Variants in CACNA2D4 observed in about 807,000 individuals in gnomAD.
CACNA2D4 encodes the protein calcium voltage-gated channel auxiliary subunit alpha2delta 4, also known as voltage-dependent calcium channel subunit alpha-2/delta-4.
CACNA2D4 carries 157 observed loss-of-function variants against 163.8 expected under a neutral mutation model. The observed-to-expected ratio is 0.96, with a 90% CI of 0.84 to 1.09. The LOEUF is 1.09. CACNA2D4 is among the 50% of genes least tolerant of loss of function. CACNA2D4 has a pLI of 0.00. For synonymous variants in CACNA2D4, 598 were observed against 586.9 expected (o/e 1.02, Z -0.27); for missense variants, 1,410 against 1,479.9 (o/e 0.95, Z 0.78).
intron 26 of CACNA2D4, among the ~76,000 whole-genome samples, chr12:1,818,744 G>C (rs1448798268): frequency 7.3e-6 from 1 of 136,442 alleles, no homozygotes; most frequent in Non-Finnish European, 1.5e-5. Context: ...CCCCCTCTGC[G>C]AGAAACACCC....
intron 4 of CACNA2D4, among the ~76,000 whole-genome samples, chr12:1,909,493 C>A (rs1447772477): frequency 1.3e-5 from 2 of 152,220 alleles, no homozygotes; most frequent in Non-Finnish European, 2.9e-5. Flanking sequence ...CGCGCCTGGG[C>A]GTGTTTTCTT....
rs1331259205 is a variant in CACNA2D4 at position 1,834,006 on chromosome 12, A to G, written c.2551+6733T>C. On this transcript the variant is annotated intron_variant, in intron 26 of 37. Transcript: ENST00000382722. This position sits in a 1 kb window ranked among gnomAD's most constrained non-coding sequence, Gnocchi z 7.6. ...AAGTGGCTGCGTGCTTCTCTATAAA[A>G]TGGGAATAAAGACAATATCCATTTC... Among the ~76,000 whole-genome samples the G allele has an allele frequency of 6.6e-6, 1 of 152,180 alleles. No homozygotes were observed. Among genetic ancestry groups the G allele is most frequent in the Non-Finnish European group, 1.5e-5 (1 of 68,034 alleles).
chr12:1,794,609 C>A (rs1863059265), intron 37 of CACNA2D4, among the ~76,000 whole-genome samples: 1 of 152,162 alleles, frequency 6.6e-6, no homozygotes, highest in Non-Finnish European at 1.5e-5. Flanking sequence ...TCACTCAACT[C>A]AGGAAGGTGC....
intron 35 of CACNA2D4, 47 bp downstream of exon 35, chr12:1,797,371 G>C (rs1265344684): frequency 1.5e-6 from 2 of 1,371,544 alleles, no homozygotes; most frequent in Non-Finnish European, 2.0e-6. Context: ...CCTTGCCGAG[G>C]GCGGGAGGAG....
rs1866034357 is a variant in CACNA2D4 at position 1,882,748 on chromosome 12, A to G, written c.1485+119T>C. 1.6e-5 allele frequency: 16 copies of G among 1,023,232 alleles called. No individual in the cohort carries two copies. In the South Asian group the frequency reaches 2.4e-4, roughly 16 times the overall value. 63.4% of individuals were successfully genotyped at this position (1,023,232 alleles called of 1,614,324 possible). A position where few individuals can be genotyped will look rare whatever the true frequency, so the allele number is the denominator to read the frequency against. On this transcript the variant is annotated intron_variant, in intron 13 of 37. Transcript: ENST00000382722. ...AAGCGGCTTCATTCGCCCCTTCTTA[A>G]TGTTCCCTAAGGAGGTGCTAGGCCC...
chr12:1,797,282 G>T, intron 35 of CACNA2D4, 136 bp downstream of exon 35: 1 of 688,670 alleles, frequency 1.5e-6, no homozygotes, highest in Non-Finnish European at 2.6e-6. Context: ...GGGAGCGTGG[G>T]CTCTGCACTT....
At chr12:1,907,735 CCTGGTGGGCGTGT>C (rs1238298133) in intron 5 of CACNA2D4, 127 bp downstream of exon 5, 94 of 1,193,522 alleles carry the variant, frequency 7.9e-5, no homozygotes, top group South Asian at 3.8e-4. Flanking sequence ...GGTGGGCGTG[CCTGGTGGGCGTGT>C]CTGGTGGGTG....
At chr12:1,812,825 C>T (rs985361460) in intron 26 of CACNA2D4, among the ~76,000 whole-genome samples, 1 of 152,150 alleles carries the variant, frequency 6.6e-6, no homozygotes, top group East Asian at 1.9e-4. Flanking sequence ...ACAGGCAAGC[C>T]GCTGTCTGCT....
rs894792840 is a variant in CACNA2D4 at position 1,834,928 on chromosome 12, T to G, written c.2551+5811A>C. ...CCGTGCTGGGGGCTCCTGCTGATGCTCCTGTCTGGGCCAGTAAATCTTTGG... is the reference window on the plus strand; with the variant it reads ...CCGTGCTGGGGGCTCCTGCTGATGCGCCTGTCTGGGCCAGTAAATCTTTGG... On this transcript the variant is annotated intron_variant, in intron 26 of 37. Transcript: ENST00000382722. The surrounding 1 kb of genome is among the most constrained non-coding windows in gnomAD (Gnocchi z 7.6). 1.1e-6 allele frequency: 1 copy of G among 900,606 alleles called. No individual in the cohort carries two copies. Among genetic ancestry groups the G allele is most frequent in the South Asian group, 1.9e-5 (1 of 52,628 alleles). 55.8% of individuals were successfully genotyped at this position (900,606 alleles called of 1,614,324 possible).
intron 6 of CACNA2D4, among the ~76,000 whole-genome samples, chr12:1,902,538 T>C (rs948018790): frequency 6.6e-6 from 1 of 152,064 alleles, no homozygotes; most frequent in South Asian, 2.1e-4. Context: ...AAAGTCAATA[T>C]ATAAAAATCA....
At position 1,818,140 on chromosome 12, in the gene CACNA2D4, C is replaced by T. The variant is rs548916978; in HGVS notation, c.2552-6417G>A. On this transcript the variant is annotated intron_variant, in intron 26 of 37. Coordinates refer to ENST00000382722, the MANE Select transcript of CACNA2D4 (RefSeq NM_172364.5). Reference sequence around the variant, plus strand: ...GAGCGTCTCTTCCCGGCCGCGACCCCGTCTGGGAAGTGAGGAGCCCCTCCG... The same window carrying T: ...GAGCGTCTCTTCCCGGCCGCGACCCTGTCTGGGAAGTGAGGAGCCCCTCCG... 2.1e-4 allele frequency among the ~76,000 whole-genome samples: 32 copies of T among 151,352 alleles called. 2 individuals carry two copies. In the South Asian group the frequency reaches 6.2e-3, roughly 29 times the overall value.
Position 1,883,787 on chromosome 12 carries a change from C to T in CACNA2D4, c.1351+456G>A, listed in dbSNP as rs947615647. Among the ~76,000 whole-genome samples the T allele has an allele frequency of 1.3e-5, 2 of 152,178 alleles. No homozygotes were observed. The highest frequency in any genetic ancestry group is 2.1e-4 in the South Asian group (1 of 4,830). On this transcript the variant is annotated intron_variant, in intron 12 of 37. Coordinates refer to ENST00000382722, the MANE Select transcript of CACNA2D4 (RefSeq NM_172364.5). This position sits in a 1 kb window ranked among gnomAD's most constrained non-coding sequence, Gnocchi z 4.5. ...TGGGTGGTGTTTTACTTGTATGTCT[C>T]CCTGCTGGACAATACTGAGAGGTAG...
chr12:1,898,231 G>A (rs1182876255), intron 6 of CACNA2D4, among the ~76,000 whole-genome samples: 2 of 151,868 alleles, frequency 1.3e-5, no homozygotes, highest in African/African-American at 4.8e-5. Context: ...AGATAGACTG[G>A]ACATCAAAAT....
At chr12:1,913,779 A>G (rs1292465836) in intron 2 of CACNA2D4, among the ~76,000 whole-genome samples, 2 of 152,180 alleles carry the variant, frequency 1.3e-5, no homozygotes, top group Non-Finnish European at 2.9e-5. Flanking sequence ...GTGAATGTCT[A>G]TTCACCCAGC....
intron 6 of CACNA2D4, among the ~76,000 whole-genome samples, chr12:1,892,717 A>G (rs1327935762): frequency 1.3e-5 from 2 of 152,140 alleles, no homozygotes; most frequent in East Asian, 3.8e-4. Flanking sequence ...TTAAAAAAAA[A>G]GGGACCAACT....
At chr12:1,893,835 C>T (rs565404337) in intron 6 of CACNA2D4, among the ~76,000 whole-genome samples, 4 of 151,962 alleles carry the variant, frequency 2.6e-5, no homozygotes, top group African/African-American at 4.8e-5. Context: ...TCTAATAATA[C>T]ACCTCAAGGA....
In CACNA2D4 at chr12:1,846,640, G is replaced by C. The variant is rs770104096; in HGVS notation, c.2296C>G (p.Leu766Val). ...CCCACGAACAAGCTGCTTCTCAGGA[G>C]GCCAGCCCGGGTGCCCAGGAAGGCC... ...DMAFLGTRAG[L>V]LRSSLFVGSE... Residue 766 changes from leucine to valine, a missense_variant, in exon 24 of 38, where the codon CTC becomes GTC. Leu to Val is a conservative substitution (Grantham distance 32, BLOSUM62 1). Coordinates refer to ENST00000382722, the MANE Select transcript of CACNA2D4 (RefSeq NM_172364.5). 1.9e-6 allele frequency: 3 copies of C among 1,604,670 alleles called. No individual in the cohort carries two copies. In the Admixed American group the frequency reaches 5.1e-5, roughly 27 times the overall value.
intron 6 of CACNA2D4, among the ~76,000 whole-genome samples, chr12:1,896,145 C>T (rs1049271145): frequency 3.3e-5 from 5 of 152,030 alleles, no homozygotes; most frequent in East Asian, 1.9e-4. Flanking sequence ...TAGAAGAAAA[C>T]GTAGGGGAAA....
rs1416412629 is a variant in CACNA2D4, at chr12:1,806,780, C to T, written c.2721+3498G>A. Among the ~76,000 whole-genome samples, 2 of 152,110 alleles carry T rather than the reference C, an allele frequency of 1.3e-5. No individual in the cohort carries two copies. Among genetic ancestry groups the T allele is most frequent in the African/African-American group, 4.8e-5 (2 of 41,440 alleles). On this transcript the variant is annotated intron_variant, in intron 29 of 37. Coordinates refer to ENST00000382722, the MANE Select transcript of CACNA2D4 (RefSeq NM_172364.5). The surrounding 1 kb of genome is among the most constrained non-coding windows in gnomAD (Gnocchi z 4.1). ...TGAGTCCCTAGGTCTGGGGTGGGAC[C>T]CTGGCAAATCTGCATCTCTAACAAG... is the stretch of plus-strand genomic sequence containing the variant.
Sources: allele counts gnomAD v4.1 joint callset (sites outside exome capture counted in the v4.1 genomes callset), GRCh38; gene constraint gnomAD v4.1.1; non-coding constraint Gnocchi (gnomAD v3.1); transcripts MANE v1.5; gene names NCBI Gene and HGNC (gene_info 2026-07-23, HGNC 2026-07-21).